Variants in EPDR1 observed in about 807,000 individuals in gnomAD.
EPDR1 encodes mammalian ependymin-related protein 1.
EPDR1 carries 27 observed loss-of-function variants against 23.7 expected under a neutral mutation model. The observed-to-expected ratio is 1.14, with a 90% CI of 0.84 to 1.57. EPDR1 has a LOEUF of 1.57. EPDR1 is among the 40% of genes most tolerant of loss of function. EPDR1 has a pLI of 0.00. For missense variants in EPDR1, 349 were observed against 290.4 expected (o/e 1.20, Z -1.47); for synonymous variants, 137 against 118.2 (o/e 1.16, Z -1.03).
At chr7:37,921,649 T>C (rs1229386094) in intron 1 of EPDR1, among the ~76,000 whole-genome samples, 4 of 152,220 alleles carry the variant, frequency 2.6e-5, no homozygotes, top group Non-Finnish European at 5.9e-5. Context: ...TTCTAAGAAA[T>C]ACTTTTTGTA....
intron 1 of EPDR1, among the ~76,000 whole-genome samples, chr7:37,922,597 C>T (rs1021894817): frequency 6.6e-6 from 1 of 151,600 alleles, no homozygotes; most frequent in South Asian, 2.1e-4. Flanking sequence ...ATTTTACAGA[C>T]AATAACTCTG....
chr7:37,948,956 A>T lies in EPDR1; in HGVS notation c.386A>T (p.Gln129Leu), dbSNP rs764737868. Reference protein sequence around the residue: ...TQPWDPLDIPQNSTFEDQYSI... With the variant: ...TQPWDPLDIPLNSTFEDQYSI... ...CCCTGGGATCCTCTTGACATTCCTC[A>T]AAACTCCACCTTTGAAGACCAGTAC... The change falls in exon 2 of 3, where the codon CAA (glutamine) becomes CTA (leucine). Residue 129 changes from glutamine (Q) to leucine (L), a missense_variant. By Grantham distance (113) the Gln-to-Leu change is moderately radical. Transcript: ENST00000199448. 1.2e-6 allele frequency: 2 copies of T among 1,614,054 alleles called. No individual in the cohort carries two copies.
At chr7:37,945,611 C>T (rs59082577) in intron 1 of EPDR1, among the ~76,000 whole-genome samples, 21 of 152,132 alleles carry the variant, frequency 1.4e-4, no homozygotes, top group African/African-American at 3.6e-4. Context: ...TATGTGGTAG[C>T]GCAGTGCATT....
intron 1 of EPDR1, 41 bp downstream of exon 1, chr7:37,921,249 G>C (rs1562854988): frequency 3.2e-6 from 5 of 1,548,422 alleles, no homozygotes; most frequent in Non-Finnish European, 4.3e-6. Flanking sequence ...AGGGAGCCGC[G>C]CGGGCATGGG....
At chr7:37,942,862 C>T (rs1393715742) in intron 1 of EPDR1, among the ~76,000 whole-genome samples, 2 of 152,140 alleles carry the variant, frequency 1.3e-5, no homozygotes, top group African/African-American at 4.8e-5. Flanking sequence ...CGAGAGCCTA[C>T]TTTTTAGGGA....
intron 1 of EPDR1, chr7:37,926,887 A>G (rs1438000385): frequency 3.3e-6 from 1 of 300,342 alleles, no homozygotes; most frequent in Admixed American, 3.7e-5. Context: ...CTTTATTTGT[A>G]TCAGTGTGGA....
intron 1 of EPDR1, among the ~76,000 whole-genome samples, chr7:37,937,440 G>A (rs965673227): frequency 2.6e-5 from 4 of 151,992 alleles, no homozygotes; most frequent in South Asian, 4.2e-4. Flanking sequence ...CCAACAAATG[G>A]CAGGGGAAAT....
chr7:37,947,496 G>C (rs962597319), intron 1 of EPDR1, among the ~76,000 whole-genome samples: 1 of 152,082 alleles, frequency 6.6e-6, no homozygotes, highest in East Asian at 1.9e-4. Context: ...ATTTTTTTCC[G>C]AAGAAAATAG....
At chr7:37,938,655 A>T (rs1319762854) in intron 1 of EPDR1, among the ~76,000 whole-genome samples, 1 of 152,146 alleles carries the variant, frequency 6.6e-6, no homozygotes, top group African/African-American at 2.4e-5. Flanking sequence ...CTTGGTAGCC[A>T]TTGCTTTGAT....
Position 37,921,007 on chromosome 7 carries a change from G to T in EPDR1, c.68G>T (p.Trp23Leu). ...GGTGCCTGGCTGCTGGGCGGCCTCTGGGCCTGGACCCTGTGCGGCCTGTGC... is the reference window on the plus strand; with the variant it reads ...GGTGCCTGGCTGCTGGGCGGCCTCTTGGCCTGGACCCTGTGCGGCCTGTGC... ...ALGAWLLGGL[W>L]AWTLCGLCSL... is the part of the protein sequence containing the mutation. Residue 23 changes from tryptophan (W) to leucine (L), a missense_variant, in exon 1 of 3, where the codon TGG (tryptophan) becomes TTG (leucine). Trp to Leu is a moderately conservative substitution (Grantham distance 61). Transcript: ENST00000199448. The T allele has an allele frequency of 6.6e-7, 1 of 1,521,832 alleles. No homozygotes were observed. Among genetic ancestry groups the T allele is most frequent in the East Asian group, 2.4e-5 (1 of 41,812 alleles). The allele number at this position is 1,521,832 out of a possible 1,614,324, so 94.3% of individuals were successfully genotyped here.
In EPDR1 at chr7:37,950,468, T is replaced by C. The variant is rs920443094; in HGVS notation, c.*72T>C. ...CCCCAGCTGGAGATGGATATGAGAC[T>C]AGTCAAGATGTGAATGCTAATTGGA... On this transcript the variant is annotated 3_prime_UTR_variant, in exon 3 of 3. Coordinates refer to ENST00000199448, the MANE Select transcript of EPDR1 (RefSeq NM_017549.5). 7.5e-7 allele frequency: 1 copy of C among 1,326,408 alleles called. No homozygotes were observed. The highest frequency in any genetic ancestry group is 1.4e-5 in the South Asian group (1 of 69,672). 82.2% of individuals were successfully genotyped at this position (1,326,408 alleles called of 1,614,324 possible).
chr7:37,945,190 T>C (rs911192913), intron 1 of EPDR1, among the ~76,000 whole-genome samples: 2 of 152,198 alleles, frequency 1.3e-5, no homozygotes, highest in East Asian at 3.9e-4. Flanking sequence ...ATTTAGCTGG[T>C]TATGAGAAAA....
chr7:37,921,523 A>G, intron 1 of EPDR1: 1 of 1,303,584 alleles, frequency 7.7e-7, no homozygotes, highest in Admixed American at 3.8e-5. Flanking sequence ...CCCTGTTCTC[A>G]CGCTGCTGAG....
chr7:37,945,747 G>A lies in EPDR1; in HGVS notation c.270-3093G>A, dbSNP rs114974482. ...CTTCAACTTTTATTCTAAGTCAGGG[G>A]TACATGTGCAGGATGTGCAGATTTG... On this transcript the variant is annotated intron_variant, in intron 1 of 2. Coordinates refer to ENST00000199448, the MANE Select transcript of EPDR1 (RefSeq NM_017549.5). Among the ~76,000 whole-genome samples, 909 of 152,236 alleles carry A rather than the reference G, an allele frequency of 6.0e-3. 6 individuals are homozygous for A. The highest frequency in any genetic ancestry group is 0.02 in the African/African-American group (849 of 41,510).
chr7:37,951,565 A>G lies in EPDR1; in HGVS notation c.*1169A>G, dbSNP rs1459191302. ...AGCACAAAGCAAGTGCCTGGCACAT[A>G]GTCAGTGCCCTAAGTATTCGTAGAG... is the stretch of plus-strand genomic sequence containing the variant. On this transcript the variant is annotated 3_prime_UTR_variant, in exon 3 of 3. Coordinates refer to ENST00000199448, the MANE Select transcript of EPDR1 (RefSeq NM_017549.5). 1 of 152,262 alleles carries G rather than the reference A, an allele frequency of 6.6e-6. No individual in the cohort carries two copies. The highest frequency in any genetic ancestry group is 2.4e-5 in the African/African-American group (1 of 41,470). 9.4% of individuals were successfully genotyped at this position (152,262 alleles called of 1,614,324 possible).
At chr7:37,943,307 G>A (rs527645497) in intron 1 of EPDR1, among the ~76,000 whole-genome samples, 1 of 152,114 alleles carries the variant, frequency 6.6e-6, no homozygotes, top group Non-Finnish European at 1.5e-5. Context: ...CTTTGATCTC[G>A]CCTCCAGGAA....
At position 37,921,147 on chromosome 7, in the gene EPDR1, G is replaced by A; in HGVS notation, c.208G>A (p.Asp70Asn). The A allele has an allele frequency of 6.3e-7, 1 of 1,596,868 alleles. No individual in the cohort carries two copies. The change falls in exon 1 of 3, where the codon GAC (aspartate) becomes AAC (asparagine). Residue 70 changes from aspartate to asparagine, a missense_variant. Asp to Asn is a conservative substitution (Grantham distance 23). Coordinates refer to ENST00000199448, the MANE Select transcript of EPDR1 (RefSeq NM_017549.5). ...GRNSRALLSY[D>N]GLNQRVRVLD... ...CAACAGCCGCGCCCTGCTCTCCTAC[G>A]ACGGGCTCAACCAGCGCGTGCGGGT...
intron 1 of EPDR1, among the ~76,000 whole-genome samples, chr7:37,940,410 A>G (rs1786147450): frequency 2.6e-5 from 4 of 152,196 alleles, no homozygotes; most frequent in African/African-American, 9.7e-5. Flanking sequence ...AAAATCAGAG[A>G]GGAAAAGTGT....
At chr7:37,949,522 A>C (rs1052102134) in intron 2 of EPDR1, among the ~76,000 whole-genome samples, 5 of 152,168 alleles carry the variant, frequency 3.3e-5, no homozygotes, top group African/African-American at 1.2e-4. Flanking sequence ...TTTACCACAC[A>C]GGCATTCATG....
Sources: allele counts gnomAD v4.1 joint callset (sites outside exome capture counted in the v4.1 genomes callset), GRCh38; gene constraint gnomAD v4.1.1; transcripts MANE v1.5; gene names NCBI Gene and HGNC (gene_info 2026-07-23, HGNC 2026-07-21).